CRB1: variants seen among roughly 807,000 people sequenced by gnomAD.
CRB1 encodes protein crumbs homolog 1.
CRB1 carries 83 observed loss-of-function variants against 120.0 expected under a neutral mutation model. The ratio of observed to expected loss-of-function variants is 0.69; its 90% CI spans 0.58 to 0.83. CRB1 has a LOEUF of 0.83. Ranked by LOEUF, CRB1 falls within the 40% of genes least tolerant of loss-of-function variation. The pLI is 0.00. For synonymous variants in CRB1, 625 were observed against 612.5 expected (o/e 1.02, Z -0.30); for missense variants, 1,699 against 1,687.6 (o/e 1.01, Z -0.12).
At chr1:197,465,143 A>G (rs1408946957) in intron 11 of CRB1, among the ~76,000 whole-genome samples, 3 of 152,228 alleles carry the variant, frequency 2.0e-5, no homozygotes, top group Non-Finnish European at 4.4e-5. Context: ...GCTTTATTGT[A>G]TGATCTAATT....
chr1:197,354,633 T>G (rs532823071), intron 4 of CRB1, among the ~76,000 whole-genome samples: 2 of 151,984 alleles, frequency 1.3e-5, no homozygotes, highest in South Asian at 4.2e-4. Flanking sequence ...GTCTCAGGAG[T>G]GAAGCTGCAG....
At chr1:197,217,130 A>G in the CRB1 span, among the ~76,000 whole-genome samples, 6 of 152,336 alleles carry the variant, frequency 3.9e-5, no homozygotes, top group Non-Finnish European at 7.4e-5. Flanking sequence ...GCATGAAAAG[A>G]TGCTCAATAT....
intron 11 of CRB1, among the ~76,000 whole-genome samples, chr1:197,462,167 C>T (rs1370158782): frequency 6.6e-6 from 1 of 152,022 alleles, no homozygotes; most frequent in Non-Finnish European, 1.5e-5. Context: ...AAGCTTTTTG[C>T]CTTAGACTTT....
chr1:197,374,882 T>C (rs963886263), intron 5 of CRB1, among the ~76,000 whole-genome samples: 1 of 152,196 alleles, frequency 6.6e-6, no homozygotes, highest in Non-Finnish European at 1.5e-5. Flanking sequence ...GTCATAATAA[T>C]GTTTTTTCCT....
chr1:197,445,322 G>T (rs531684125), intron 11 of CRB1, among the ~76,000 whole-genome samples: 2 of 152,144 alleles, frequency 1.3e-5, no homozygotes, highest in East Asian at 1.9e-4. Context: ...CTCCTTTTTT[G>T]TGTGCGTACG....
At chr1:197,272,879 A>G (rs1241458615) in intron 1 of CRB1, among the ~76,000 whole-genome samples, 1 of 152,212 alleles carries the variant, frequency 6.6e-6, no homozygotes, top group African/African-American at 2.4e-5. Flanking sequence ...CAAAGAGTCA[A>G]TCTAATTGCA....
intron 1 of CRB1, among the ~76,000 whole-genome samples, chr1:197,321,034 A>AT (rs1361142852): frequency 2.0e-5 from 3 of 152,068 alleles, no homozygotes; most frequent in Non-Finnish European, 4.4e-5. Flanking sequence ...AGCTATTCCC[A>AT]TTTCCCTGGT....
intron 1 of CRB1, among the ~76,000 whole-genome samples, chr1:197,275,452 A>C (rs556413538): frequency 8.5e-5 from 13 of 152,194 alleles, no homozygotes; most frequent in African/African-American, 3.1e-4. Flanking sequence ...GTTATGTTTC[A>C]AGAGACATTA....
chr1:197,214,199 C>T, the CRB1 span, among the ~76,000 whole-genome samples: 967 of 151,818 alleles, frequency 6.4e-3, 14 homozygotes, highest in African/African-American at 0.023. Flanking sequence ...AGAAATGAAA[C>T]GGGAAACATT....
chr1:197,398,774 C>T (rs1436267421), intron 5 of CRB1, among the ~76,000 whole-genome samples: 4 of 151,820 alleles, frequency 2.6e-5, no homozygotes, highest in African/African-American at 9.7e-5. Context: ...ATCTGTATCC[C>T]AGGGAAGGAG....
chr1:197,362,526 T>G (rs569528674), intron 5 of CRB1, among the ~76,000 whole-genome samples: 1 of 152,100 alleles, frequency 6.6e-6, no homozygotes, highest in Non-Finnish European at 1.5e-5. Flanking sequence ...TTCTATCAAT[T>G]TTTCTTCACG....
chr1:197,448,576 T>C (rs113178116), intron 11 of CRB1, among the ~76,000 whole-genome samples: 2 of 152,328 alleles, frequency 1.3e-5, no homozygotes, highest in African/African-American at 4.8e-5. Flanking sequence ...TTTGAACTTT[T>C]CACAGCTGCC....
At chr1:197,451,633 T>C (rs1665979394) in intron 11 of CRB1, among the ~76,000 whole-genome samples, 1 of 152,234 alleles carries the variant, frequency 6.6e-6, no homozygotes, top group African/African-American at 2.4e-5. Flanking sequence ...GTGCTTCATA[T>C]ACACTTACAG....
intron 11 of CRB1, among the ~76,000 whole-genome samples, chr1:197,475,374 A>T (rs1168237044): frequency 6.6e-6 from 1 of 152,090 alleles, no homozygotes; most frequent in East Asian, 1.9e-4. Flanking sequence ...AGCCATCTTC[A>T]TCCTTCCTCT....
chr1:197,255,342 T>C, the CRB1 span, among the ~76,000 whole-genome samples: 1 of 152,088 alleles, frequency 6.6e-6, no homozygotes, highest in African/African-American at 2.4e-5. Flanking sequence ...CACACCACCA[T>C]AGTTCCATTC....
At chr1:197,454,772 G>C (rs1266885678) in intron 11 of CRB1, among the ~76,000 whole-genome samples, 2 of 152,080 alleles carry the variant, frequency 1.3e-5, no homozygotes, top group African/African-American at 4.8e-5. Context: ...AATGATCACT[G>C]CCTTGGTACG....
upstream of CRB1, among the ~76,000 whole-genome samples, chr1:197,264,219 A>T (rs1164933479): frequency 6.6e-6 from 1 of 152,248 alleles, no homozygotes; most frequent in African/African-American, 2.4e-5. Flanking sequence ...AAGTGAGAAC[A>T]TGCGGTATTT....
chr1:197,369,346 C>T (rs753771863), intron 5 of CRB1, among the ~76,000 whole-genome samples: 10 of 152,074 alleles, frequency 6.6e-5, no homozygotes, highest in Non-Finnish European at 1.3e-4. Flanking sequence ...CACCCCTCTC[C>T]TCCTGCATCC....
At chr1:197,466,723 C>T (rs146588693) in intron 11 of CRB1, among the ~76,000 whole-genome samples, 18 of 152,184 alleles carry the variant, frequency 1.2e-4, no homozygotes, top group African/African-American at 4.1e-4. Context: ...TGTGATAAGC[C>T]GTAGGGATGT....
Sources: allele counts gnomAD v4.1 joint callset (sites outside exome capture counted in the v4.1 genomes callset), GRCh38; gene constraint gnomAD v4.1.1; transcripts MANE v1.5; gene names NCBI Gene and HGNC (gene_info 2026-07-23, HGNC 2026-07-21).